Variants in IHO1 observed in about 807,000 individuals in gnomAD.
IHO1 encodes the protein interactor of HORMAD1 protein 1.
IHO1 carries 13 observed loss-of-function variants against 31.0 expected under a neutral mutation model. That is an observed-to-expected ratio of 0.42 (90% CI 0.27 to 0.67). The LOEUF is 0.67. Ranked by LOEUF, IHO1 falls within the 30% of genes least tolerant of loss-of-function variation. The probability of loss-of-function intolerance (pLI) is 0.24; values close to 1 mark genes in which losing one functional copy is unlikely to be tolerated. For missense variants in IHO1, 599 were observed against 687.5 expected (o/e 0.87, Z 1.44); for synonymous variants, 221 against 248.4 (o/e 0.89, Z 1.04).
intron 2 of IHO1, among the ~76,000 whole-genome samples, chr3:49,217,859 G>T (rs1362167348): frequency 6.6e-6 from 1 of 152,186 alleles, no homozygotes; most frequent in Non-Finnish European, 1.5e-5. Flanking sequence ...ATCTAATACT[G>T]GTACTGATCT....
chr3:49,257,126 C>T lies in IHO1; in HGVS notation c.1629C>T (p.Asp543=), dbSNP rs1311633376. ...AGCTCAGCAGGTGCTCTTCCCAAGA[C>T]AACTGGCTACTTTCCAGCAGTTCCC... is the stretch of plus-strand genomic sequence containing the variant. ...LLQLSRCSSQ[D]NWLLSSSSQG... The change falls in exon 8 of 8, where the codon GAC becomes GAT. Residue 543 remains aspartate (D), a synonymous_variant. Transcript: ENST00000452691. The T allele has an allele frequency of 6.2e-7, 1 of 1,614,168 alleles. No homozygotes were observed. Among genetic ancestry groups the T allele is most frequent in the Non-Finnish European group, 8.5e-7 (1 of 1,180,034 alleles).
intron 1 of IHO1, among the ~76,000 whole-genome samples, chr3:49,202,378 T>G (rs2046080570): frequency 6.7e-6 from 1 of 148,294 alleles, no homozygotes; most frequent in African/African-American, 2.5e-5. Context: ...CAGGCTAGAG[T>G]GCAGTGGCGC....
At chr3:49,246,859 T>C (rs1032736679) in intron 6 of IHO1, among the ~76,000 whole-genome samples, 24 of 144,202 alleles carry the variant, frequency 1.7e-4, no homozygotes, top group Non-Finnish European at 2.8e-4. Context: ...TTTTCTTTTC[T>C]TTTTTTTTTT....
At chr3:49,199,878 C>G (rs1173064407) in intron 1 of IHO1, 2 of 152,258 alleles carry the variant, frequency 1.3e-5, no homozygotes, top group Admixed American at 6.5e-5. Flanking sequence ...GGGTACGCCC[C>G]GGGAGCCAGA....
chr3:49,211,236 C>T (rs1040552888), intron 1 of IHO1, among the ~76,000 whole-genome samples: 1 of 151,642 alleles, frequency 6.6e-6, no homozygotes, highest in African/African-American at 2.4e-5. Flanking sequence ...TCTTGATCTC[C>T]TGACCTAGTG....
intron 2 of IHO1, chr3:49,228,316 C>T: frequency 4.5e-6 from 2 of 449,066 alleles, no homozygotes; most frequent in South Asian, 3.2e-5. Context: ...CCAGGCAAAC[C>T]AATGCTCTCC....
chr3:49,242,927 A>G (rs994161028), intron 4 of IHO1, among the ~76,000 whole-genome samples: 1 of 152,204 alleles, frequency 6.6e-6, no homozygotes, highest in Non-Finnish European at 1.5e-5. Flanking sequence ...GTTCAGGGGT[A>G]TATGTGCAGG....
At chr3:49,252,154 A>AT (rs1262968580) in intron 6 of IHO1, 2 of 153,870 alleles carry the variant, frequency 1.3e-5, no homozygotes, top group African/African-American at 2.4e-5. Flanking sequence ...TGTTTGTTCA[A>AT]TTTTTTCCCA....
At chr3:49,214,632 A>ATATATATATATATATATATATTTT in intron 2 of IHO1, among the ~76,000 whole-genome samples, 2 of 5,184 alleles carry the variant, frequency 3.9e-4, no homozygotes, top group Non-Finnish European at 6.5e-4. Flanking sequence ...ATATATATAT[A>ATATATATATATATATATATATTTT]TTTTTTTTTT....
chr3:49,245,103 A>C (rs1439116866), intron 6 of IHO1: 1 of 472,614 alleles, frequency 2.1e-6, no homozygotes, highest in Non-Finnish European at 3.8e-6. Context: ...CCCCCTTAGG[A>C]GTTAGAAATA....
chr3:49,226,202 C>T (rs1000201112), intron 2 of IHO1, among the ~76,000 whole-genome samples: 3 of 152,010 alleles, frequency 2.0e-5, no homozygotes. Context: ...TCTCTGATCT[C>T]ACTTTTCCTT....
At chr3:49,217,455 G>A (rs1408428340) in intron 2 of IHO1, among the ~76,000 whole-genome samples, 1 of 140,596 alleles carries the variant, frequency 7.1e-6, no homozygotes, top group Non-Finnish European at 1.5e-5. Flanking sequence ...ATGGACACAG[G>A]ATAGGGAACA....
intron 6 of IHO1, among the ~76,000 whole-genome samples, chr3:49,251,636 T>G (rs2046760731): frequency 6.7e-6 from 1 of 149,878 alleles, no homozygotes; most frequent in African/African-American, 2.5e-5. Flanking sequence ...AGTTTTGCTT[T>G]TGTTGCCCAG....
chr3:49,233,157 G>A (rs556940335), intron 2 of IHO1, among the ~76,000 whole-genome samples: 35 of 152,222 alleles, frequency 2.3e-4, no homozygotes, highest in South Asian at 4.1e-4. Context: ...AGCGTGCCAC[G>A]GCCACACTAT....
intron 2 of IHO1, among the ~76,000 whole-genome samples, chr3:49,234,162 GTTTTTTT>G (rs56802492): frequency 1.1e-5 from 1 of 91,916 alleles, no homozygotes; most frequent in Non-Finnish European, 1.9e-5. Flanking sequence ...TTTTGTTGTT[GTTTTTTT>G]TTTTTTTTTT....
chr3:49,248,271 A>C (rs1262446535), intron 6 of IHO1, among the ~76,000 whole-genome samples: 1 of 151,150 alleles, frequency 6.6e-6, no homozygotes, highest in Non-Finnish European at 1.5e-5. Flanking sequence ...AAATACAAAA[A>C]ATTAGCTGGG....
intron 2 of IHO1, among the ~76,000 whole-genome samples, chr3:49,220,734 G>T (rs536688658): frequency 6.6e-6 from 1 of 152,258 alleles, no homozygotes; most frequent in South Asian, 2.1e-4. Flanking sequence ...CGGGCGTGGT[G>T]GTGGGCACCT....
At chr3:49,251,576 G>A (rs1018180691) in intron 6 of IHO1, among the ~76,000 whole-genome samples, 34 of 151,642 alleles carry the variant, frequency 2.2e-4, no homozygotes, top group African/African-American at 1.2e-4. Context: ...GAGCTGCTGC[G>A]CTCAGACTTT....
In IHO1 at chr3:49,236,682, A is replaced by T. The variant is rs749137201; in HGVS notation, c.191A>T (p.His64Leu). 1.2e-6 allele frequency: 2 copies of T among 1,613,962 alleles called. No homozygotes were observed. The highest frequency in any genetic ancestry group is 4.5e-5 in the East Asian group (2 of 44,888). The change falls in exon 3 of 8, where the codon CAC (histidine) becomes CTC (leucine). Residue 64 changes from histidine to leucine, a missense_variant. Coordinates refer to ENST00000452691, the MANE Select transcript of IHO1 (RefSeq NM_001135197.2). Reference protein sequence around the residue: ...TLSAPLDFGAHLRHSKQSQQN... With the variant: ...TLSAPLDFGALLRHSKQSQQN... ...TCAGCACCCTTGGACTTTGGTGCCC[A>T]CTTGAGACATTCAAAACAGTCACAA...
Sources: allele counts gnomAD v4.1 joint callset (sites outside exome capture counted in the v4.1 genomes callset), GRCh38; gene constraint gnomAD v4.1.1; transcripts MANE v1.5; gene names NCBI Gene and HGNC (gene_info 2026-07-23, HGNC 2026-07-21).